Variants in TPGS1 observed in about 807,000 individuals in gnomAD.
TPGS1 encodes the protein gene trap ROSA b-geo 22.
TPGS1 carries 18 observed loss-of-function variants against 11.9 expected under a neutral mutation model. The observed-to-expected ratio is 1.51, with a 90% CI of 1.04 to 2.24. The LOEUF is 2.24. Among genes scored for constraint, TPGS1 ranks in the 30% most tolerant of loss-of-function variants. The pLI, the probability that TPGS1 is intolerant of heterozygous loss-of-function variation, is 0.00. For synonymous variants in TPGS1, 247 were observed against 218.2 expected (o/e 1.13, Z -1.16); for missense variants, 500 against 443.0 (o/e 1.13, Z -1.16).
At position 507,679 on chromosome 19, in the gene TPGS1, C is replaced by T; in HGVS notation, c.173C>T (p.Ala58Val). 7.3e-7 allele frequency: 1 copy of T among 1,379,062 alleles called. No homozygotes were observed. Among genetic ancestry groups the T allele is most frequent in the Non-Finnish European group, 9.5e-7 (1 of 1,055,856 alleles). 85.4% of individuals were successfully genotyped at this position (1,379,062 alleles called of 1,614,324 possible). A position where few individuals can be genotyped will look rare whatever the true frequency, so the allele number is the denominator to read the frequency against. Residue 58 changes from alanine to valine, a missense_variant, in exon 1 of 2, where the codon GCG becomes GTG. Coordinates refer to ENST00000359315, the MANE Select transcript of TPGS1 (RefSeq NM_033513.3). ...GCGGCCCTGCTGAAGGTGCTGGAGG[C>T]GCGGCCCGAGGAGCCGATCGCCTTC... ...LRAALLKVLE[A>V]RPEEPIAFLA...
At chr19:518,765 G>C (rs1355247068) in intron 1 of TPGS1, 124 bp from the exon 2 acceptor site, 3 of 1,058,060 alleles carry the variant, frequency 2.8e-6, no homozygotes, top group South Asian at 3.9e-5. Flanking sequence ...GGGGTAGGAG[G>C]AGAGGGGAGG....
At position 519,345 on chromosome 19, in the gene TPGS1, C is replaced by A. The variant is rs1305286466; in HGVS notation, c.795C>A (p.Pro265=). The A allele has an allele frequency of 1.7e-6, 2 of 1,202,798 alleles. No individual in the cohort carries two copies. Among genetic ancestry groups the A allele is most frequent in the Non-Finnish European group, 1.0e-6 (1 of 968,784 alleles). The allele number at this position is 1,202,798 out of a possible 1,614,324, so 74.5% of individuals were successfully genotyped here. A position where few individuals can be genotyped will look rare whatever the true frequency, so the allele number is the denominator to read the frequency against. ...ACCGCGCCGTCGGGGGGCGGCGGCC[C>A]AGCGCGCCCATGACCCGCGAGGAGT... The part of the protein sequence containing the change: ...ALDRAVGGRR[P]SAPMTREEFL... The change falls in exon 2 of 2, where the codon CCC becomes CCA. Residue 265 remains proline (P), a synonymous_variant. Transcript: ENST00000359315.
At chr19:518,836 G>A in intron 1 of TPGS1, 53 bp from the exon 2 acceptor site, 1 of 1,453,810 alleles carries the variant, frequency 6.9e-7, no homozygotes, top group South Asian at 1.4e-5. Flanking sequence ...GGGGAGGCTG[G>A]GGCTGGGTGG....
At chr19:518,443 G>A (rs1278005552) in intron 1 of TPGS1, among the ~76,000 whole-genome samples, 2 of 128,588 alleles carry the variant, frequency 1.6e-5, no homozygotes, top group Non-Finnish European at 3.4e-5. Flanking sequence ...TTGGGATACT[G>A]GGGGGAGGAG....
chr19:513,570 G>A (rs1332967318), intron 1 of TPGS1, among the ~76,000 whole-genome samples: 1 of 151,880 alleles, frequency 6.6e-6, no homozygotes, highest in Non-Finnish European at 1.5e-5. Context: ...CTGTGCACCC[G>A]CCCAGCATTT....
chr19:510,179 C>T (rs1465047973), intron 1 of TPGS1: 3 of 152,060 alleles, frequency 2.0e-5, no homozygotes, highest in Non-Finnish European at 4.4e-5. Flanking sequence ...CGAGACCATC[C>T]TGGCTAACAC....
In TPGS1 at chr19:507,704, C is replaced by T. The variant is rs770937526; in HGVS notation, c.198C>T (p.Phe66=). The stretch of plus-strand genomic sequence containing the variant: ...CGCGGCCCGAGGAGCCGATCGCCTT[C>T]CTGGCTCACTACTTCGAGAACATGG... ...LEARPEEPIA[F]LAHYFENMGL... Residue 66 remains phenylalanine, a synonymous_variant, in exon 1 of 2, where the codon TTC becomes TTT. Transcript: ENST00000359315. 3 of 1,396,984 alleles carry T rather than the reference C, an allele frequency of 2.1e-6. No individual in the cohort carries two copies. Among genetic ancestry groups the T allele is most frequent in the Non-Finnish European group, 1.9e-6 (2 of 1,068,548 alleles). The allele number at this position is 1,396,984 out of a possible 1,614,324, so 86.5% of individuals were successfully genotyped here. A position where few individuals can be genotyped will look rare whatever the true frequency, so the allele number is the denominator to read the frequency against.
intron 1 of TPGS1, among the ~76,000 whole-genome samples, chr19:510,671 C>G (rs1406737706): frequency 6.6e-6 from 1 of 152,230 alleles, no homozygotes; most frequent in East Asian, 1.9e-4. Flanking sequence ...GCCACACGGC[C>G]ACCGAGGGCA....
intron 1 of TPGS1, among the ~76,000 whole-genome samples, chr19:518,428 T>C: frequency 2.7e-5 from 1 of 37,202 alleles, no homozygotes; most frequent in Non-Finnish European, 5.1e-5. Context: ...GAGGGAGGCC[T>C]GGGCTTGGGA....
intron 1 of TPGS1, 133 bp downstream of exon 1, chr19:507,977 T>A (rs529710445): frequency 6.2e-6 from 4 of 644,634 alleles, no homozygotes; most frequent in Non-Finnish European, 9.0e-6. Flanking sequence ...CGCGATGCCT[T>A]CTTGGGTGGG....
intron 1 of TPGS1, among the ~76,000 whole-genome samples, chr19:517,910 G>C (rs11879348): frequency 0.085 from 7,687 of 89,984 alleles, 1,322 homozygotes; most frequent in Admixed American, 0.17. Context: ...GGAGGCCCAG[G>C]CTGGGTAGAG....
chr19:515,186 C>T (rs1487518558), intron 1 of TPGS1, among the ~76,000 whole-genome samples: 1 of 152,148 alleles, frequency 6.6e-6, no homozygotes, highest in Non-Finnish European at 1.5e-5. Context: ...GGCAGCAGGT[C>T]GTATTTGACC....
chr19:518,787 T>A, intron 1 of TPGS1, 102 bp from the exon 2 acceptor site: 1 of 1,108,708 alleles, frequency 9.0e-7, no homozygotes, highest in Non-Finnish European at 1.1e-6. Flanking sequence ...CAGGGCTGGC[T>A]GGGGGGTCGG....
intron 1 of TPGS1, among the ~76,000 whole-genome samples, chr19:518,655 T>G (rs1979043739): frequency 4.4e-5 from 4 of 91,382 alleles, no homozygotes; most frequent in South Asian, 8.0e-4. Context: ...GGGCTGGGGA[T>G]GCTGCGGGGA....
chr19:508,030 G>T, intron 1 of TPGS1, 186 bp downstream of exon 1: 3 of 444,200 alleles, frequency 6.8e-6, no homozygotes, highest in Non-Finnish European at 1.1e-5. Context: ...GCTTCGGTCC[G>T]GCGCTAGGCA....
chr19:512,134 G>A (rs147152113), intron 1 of TPGS1, among the ~76,000 whole-genome samples: 2,161 of 152,216 alleles, frequency 0.014, 41 homozygotes, highest in East Asian at 0.085. Context: ...GCCTCCCAAA[G>A]TGCTGGGATT....
chr19:507,815 G>A lies in TPGS1; in HGVS notation c.309G>A (p.Trp103Ter), dbSNP rs763676933. 9.6e-6 allele frequency: 13 copies of A among 1,359,754 alleles called. No homozygotes were observed. The highest frequency in any genetic ancestry group is 3.1e-5 in the East Asian group (1 of 32,780). The allele number at this position is 1,359,754 out of a possible 1,614,324, so 84.2% of individuals were successfully genotyped here. ...AGCAGCGCCTGGGCCGCGCGCTATG[G>A]CACCTTCGCCTGGCCCACCACTCCC... ...LQQQRLGRAL[W>*]HLRLAHHSQR... The change falls in exon 1 of 2, where the codon TGG becomes TGA. Residue 103 changes from tryptophan (W) to a stop codon, truncating the protein, a stop_gained. Coordinates refer to ENST00000359315, the MANE Select transcript of TPGS1 (RefSeq NM_033513.3). LOFTEE classifies it high-confidence loss of function.
chr19:515,664 G>A (rs1401046702), intron 1 of TPGS1, among the ~76,000 whole-genome samples: 1 of 152,076 alleles, frequency 6.6e-6, no homozygotes, highest in African/African-American at 2.4e-5. Flanking sequence ...CTTGAACCCG[G>A]GAGGTGGAGG....
At chr19:510,364 C>G (rs1301123405) in intron 1 of TPGS1, 3 of 151,770 alleles carry the variant, frequency 2.0e-5, no homozygotes, top group Non-Finnish European at 2.9e-5. Context: ...CAGAGCGAGA[C>G]TCTGTCTCAA....
Sources: gnomAD v4.1 joint callset for allele counts (sites outside exome capture counted in the v4.1 genomes callset) on GRCh38, gnomAD v4.1.1 for gene constraint, MANE v1.5 for transcripts, NCBI Gene and HGNC (gene_info 2026-07-23, HGNC 2026-07-21) for gene names.